Variants in PTPRG observed in about 807,000 individuals in gnomAD.
PTPRG encodes protein tyrosine phosphatase receptor type G, also known as receptor-type tyrosine-protein phosphatase gamma.
Under a neutral mutation model 165.3 loss-of-function variants are expected in PTPRG, and 102 were observed. The observed-to-expected ratio is 0.62, with a 90% confidence interval of 0.53 to 0.73. The LOEUF is 0.73. PTPRG is among the 30% of genes least tolerant of loss of function. PTPRG has a pLI of 0.00. For missense variants in PTPRG, 1,866 were observed against 1,861.4 expected (o/e 1.00, Z -0.05); for synonymous variants, 675 against 669.5 (o/e 1.01, Z -0.13).
At chr3:62,023,539 A>G (rs1429672591) in intron 4 of PTPRG, among the ~76,000 whole-genome samples, 1 of 152,156 alleles carries the variant, frequency 6.6e-6, no homozygotes, top group African/African-American at 2.4e-5. Context: ...TCCTCCAAGT[A>G]TATTTTTGAG....
At chr3:61,823,897 T>C (rs1020417530) in intron 2 of PTPRG, among the ~76,000 whole-genome samples, 2 of 151,650 alleles carry the variant, frequency 1.3e-5, no homozygotes, top group African/African-American at 4.8e-5. Flanking sequence ...GAGGCCGAGG[T>C]GGGCAGATCA....
chr3:61,715,509 G>A (rs879243588), intron 1 of PTPRG, among the ~76,000 whole-genome samples: 6 of 152,048 alleles, frequency 3.9e-5, no homozygotes, highest in Admixed American at 3.3e-4. Context: ...GTGAGCCACC[G>A]CGTCTGGCCC....
chr3:61,847,463 C>T (rs1275228947), intron 2 of PTPRG, among the ~76,000 whole-genome samples: 1 of 152,154 alleles, frequency 6.6e-6, no homozygotes, highest in Non-Finnish European at 1.5e-5. Flanking sequence ...GTTTTAGGCA[C>T]CCAGTTTGTG....
At chr3:62,216,407 A>G (rs1028978038) in intron 12 of PTPRG, among the ~76,000 whole-genome samples, 1 of 152,098 alleles carries the variant, frequency 6.6e-6, no homozygotes, top group African/African-American at 2.4e-5. Context: ...GGAGAGGAAT[A>G]AGACACTGAG....
intron 24 of PTPRG, 42 bp downstream of exon 24, chr3:62,276,008 A>C: frequency 6.9e-7 from 1 of 1,447,734 alleles, no homozygotes; most frequent in Non-Finnish European, 9.6e-7. Flanking sequence ...TTTATACTGG[A>C]TTGTATGTTA....
At chr3:62,081,119 T>C (rs1013676716) in intron 5 of PTPRG, among the ~76,000 whole-genome samples, 5 of 151,504 alleles carry the variant, frequency 3.3e-5, no homozygotes, top group Admixed American at 2.0e-4. Context: ...TAGCCGGGCG[T>C]GGTGGCGGGC....
chr3:61,894,301 C>CAAAA lies in PTPRG; in HGVS notation c.191-95294_191-95291dup, dbSNP rs767479285. ...CGGGCAACAGAGCAAGACTCTGTGT[C>CAAAA]AAAAAAAAAAAAAAAAAAAAAAAAA... On this transcript the variant is annotated intron_variant, in intron 2 of 29. Transcript: ENST00000474889. 6.9e-3 allele frequency among the ~76,000 whole-genome samples: 342 copies of CAAAA among 49,848 alleles called. 41 individuals are homozygous for CAAAA. Among genetic ancestry groups the CAAAA allele is most frequent in the East Asian group, 0.029 (30 of 1,042 alleles). The allele number at this position is 49,848 out of a possible 152,430, so 32.7% of individuals were successfully genotyped here. A position where few individuals can be genotyped will look rare whatever the true frequency, so the allele number is the denominator to read the frequency against.
At chr3:61,569,571 A>T (rs1223726758) in intron 1 of PTPRG, among the ~76,000 whole-genome samples, 1 of 152,078 alleles carries the variant, frequency 6.6e-6, no homozygotes, top group African/African-American at 2.4e-5. Context: ...CTCCTACCTC[A>T]ACTTCCCAAA....
chr3:62,219,232 G>T lies in PTPRG; in HGVS notation c.2288+249G>T, dbSNP rs971739946. Among the ~76,000 whole-genome samples the T allele has an allele frequency of 1.3e-5, 2 of 152,180 alleles. No individual in the cohort carries two copies. The highest frequency in any genetic ancestry group is 4.8e-5 in the African/African-American group (2 of 41,430). On this transcript the variant is annotated intron_variant, in intron 13 of 29. Transcript: ENST00000474889. The surrounding 1 kb of genome is among the most constrained non-coding windows in gnomAD (Gnocchi z 4.5). ...AAAGAGGTTTTTGTTTGAGAACCAG[G>T]GAGATCCAAGTTCAGATCCAAGCTC...
Position 62,072,365 on chromosome 3 carries a change from A to G in PTPRG, c.520-5798A>G, listed in dbSNP as rs531226366. 2.0e-5 allele frequency among the ~76,000 whole-genome samples: 3 copies of G among 152,290 alleles called. No individual in the cohort carries two copies. The South Asian group carries it at 6.2e-4, about 32-fold the overall frequency. On this transcript the variant is annotated intron_variant, in intron 4 of 29. Coordinates refer to ENST00000474889, the MANE Select transcript of PTPRG (RefSeq NM_002841.4). ...TAAAATTCCATTTTCCAAATGTCAA[A>G]TTATGCTATATGATACTCTATGTTA...
intron 4 of PTPRG, among the ~76,000 whole-genome samples, chr3:62,021,851 C>CCTTTT (rs1278664695): frequency 2.3e-5 from 3 of 133,058 alleles, no homozygotes; most frequent in African/African-American, 8.5e-5. Context: ...AGGTCTTTTT[C>CCTTTT]CTTTTCTTTT....
At chr3:62,194,832 T>A (rs1463000885) in intron 9 of PTPRG, among the ~76,000 whole-genome samples, 1 of 152,020 alleles carries the variant, frequency 6.6e-6, no homozygotes, top group Non-Finnish European at 1.5e-5. Context: ...AATGTTACTC[T>A]TTCCTGTGTC....
chr3:62,002,173 T>C (rs2041186296), intron 3 of PTPRG, among the ~76,000 whole-genome samples: 1 of 152,222 alleles, frequency 6.6e-6, no homozygotes, highest in South Asian at 2.1e-4. Flanking sequence ...TTCCTTTATA[T>C]AGAGAAGTAC....
intron 2 of PTPRG, among the ~76,000 whole-genome samples, chr3:61,980,395 C>A (rs2040612628): frequency 6.6e-6 from 1 of 152,180 alleles, no homozygotes; most frequent in African/African-American, 2.4e-5. Flanking sequence ...CAGCAATGGA[C>A]TTCAGAGCTT....
intron 1 of PTPRG, among the ~76,000 whole-genome samples, chr3:61,630,651 G>C (rs1701748565): frequency 6.6e-6 from 1 of 152,122 alleles, no homozygotes; most frequent in South Asian, 2.1e-4. Context: ...GGTTTAGCAT[G>C]GTTCAAAGTA....
intron 9 of PTPRG, among the ~76,000 whole-genome samples, chr3:62,192,958 G>A (rs935624601): frequency 6.6e-6 from 1 of 152,156 alleles, no homozygotes; most frequent in Non-Finnish European, 1.5e-5. Flanking sequence ...TTCTTTAGAT[G>A]AAGATTCTTT....
At chr3:61,967,028 T>C (rs547045487) in intron 2 of PTPRG, among the ~76,000 whole-genome samples, 2 of 152,030 alleles carry the variant, frequency 1.3e-5, no homozygotes, top group East Asian at 3.9e-4. Context: ...GAAACTCAGA[T>C]TGGTGCTCCC....
chr3:62,083,265 T>C (rs547155660), intron 5 of PTPRG, among the ~76,000 whole-genome samples: 2 of 151,514 alleles, frequency 1.3e-5, no homozygotes, highest in South Asian at 4.2e-4. Flanking sequence ...TTACTTTTTT[T>C]TTTTTCTTCC....
chr3:61,738,409 A>G (rs970301545), intron 1 of PTPRG, among the ~76,000 whole-genome samples: 4 of 150,194 alleles, frequency 2.7e-5, no homozygotes, highest in Admixed American at 2.7e-4. Context: ...ACTCAACAAT[A>G]TAAAAGGCCT....
Sources: allele counts gnomAD v4.1 joint callset (sites outside exome capture counted in the v4.1 genomes callset), GRCh38; gene constraint gnomAD v4.1.1; non-coding constraint Gnocchi (gnomAD v3.1); transcripts MANE v1.5; gene names NCBI Gene and HGNC (gene_info 2026-07-23, HGNC 2026-07-21).